Variants in ADCY8 observed in about 807,000 individuals in gnomAD.
ADCY8 encodes the protein adenylate cyclase 8.
A neutral mutation model predicts 119.7 loss-of-function variants in ADCY8; 51 were observed. The observed-to-expected ratio is 0.43, with a 90% CI of 0.34 to 0.54. ADCY8 has a LOEUF of 0.54. Among genes scored for constraint, ADCY8 ranks in the 20% least tolerant of loss-of-function variants. The pLI is 0.03. For synonymous variants in ADCY8, 665 were observed against 651.0 expected, an observed-to-expected ratio of 1.02 and a Z score of -0.33; for missense variants, 1,383 against 1,598.8, an observed-to-expected ratio of 0.87 and a Z score of 2.30.
intron 3 of ADCY8, among the ~76,000 whole-genome samples, chr8:130,947,789 A>G (rs1228977365): frequency 6.6e-6 from 1 of 152,242 alleles, no homozygotes; most frequent in Non-Finnish European, 1.5e-5. Flanking sequence ...GCAAATGTAC[A>G]TGAAATGGAA....
chr8:131,013,432 G>A (rs1049333023), intron 1 of ADCY8, among the ~76,000 whole-genome samples: 8 of 152,130 alleles, frequency 5.3e-5, no homozygotes, highest in Admixed American at 3.3e-4. Flanking sequence ...TGAAGCTCCC[G>A]GGTTGAGCCA....
At chr8:130,930,930 C>T (rs1820612641) in intron 5 of ADCY8, among the ~76,000 whole-genome samples, 1 of 152,060 alleles carries the variant, frequency 6.6e-6, no homozygotes, top group Admixed American at 6.6e-5. Flanking sequence ...CCTTCTAAAA[C>T]CCACAGGACT....
At chr8:130,986,882 C>G (rs1822417470) in intron 2 of ADCY8, among the ~76,000 whole-genome samples, 1 of 152,166 alleles carries the variant, frequency 6.6e-6, no homozygotes. Context: ...TTAAGAGGTT[C>G]ACAATTTGCT....
chr8:130,936,363 G>A (rs939653029), intron 5 of ADCY8, among the ~76,000 whole-genome samples: 1 of 152,052 alleles, frequency 6.6e-6, no homozygotes, highest in Non-Finnish European at 1.5e-5. Flanking sequence ...AGCCAACCCT[G>A]GTGGCAGCCT....
intron 7 of ADCY8, 72 bp from the exon 8 acceptor site, chr8:130,884,833 T>G (rs1296679638): frequency 1.4e-6 from 2 of 1,445,986 alleles, no homozygotes; most frequent in Non-Finnish European, 1.9e-6. Context: ...TGCAATGTTT[T>G]TAAATCATGT....
At chr8:130,974,304 T>C (rs1188199590) in intron 2 of ADCY8, among the ~76,000 whole-genome samples, 1 of 152,162 alleles carries the variant, frequency 6.6e-6, no homozygotes, top group Non-Finnish European at 1.5e-5. Flanking sequence ...TACAAGCTAA[T>C]GGCTCTAGCT....
chr8:130,854,860 G>C (rs3106092), intron 9 of ADCY8, among the ~76,000 whole-genome samples: 118,949 of 119,204 alleles, frequency 1, 59,347 homozygotes, highest in Middle Eastern at 1. Context: ...CCCTCCCTCT[G>C]TAGGTCACTA....
Position 131,007,756 on chromosome 8 carries a change from A to T in ADCY8, c.961-17214T>A, listed in dbSNP as rs1301116000. Among the ~76,000 whole-genome samples the T allele has an allele frequency of 2.0e-5, 3 of 152,242 alleles. No individual in the cohort carries two copies. In the East Asian group the frequency reaches 5.8e-4, roughly 29 times the overall value. ...TGTATATGTGACTTTACAGCTATCCATTGAACTGCACACTGAGGGTACAAA... is the reference window on the plus strand; with the variant it reads ...TGTATATGTGACTTTACAGCTATCCTTTGAACTGCACACTGAGGGTACAAA... On this transcript the variant is annotated intron_variant, in intron 1 of 17. Coordinates refer to ENST00000286355, the MANE Select transcript of ADCY8 (RefSeq NM_001115.3).
intron 2 of ADCY8, among the ~76,000 whole-genome samples, chr8:130,971,437 C>A (rs755401638): frequency 2.6e-5 from 4 of 152,114 alleles, no homozygotes; most frequent in Non-Finnish European, 4.4e-5. Context: ...TTCTCATTCC[C>A]ATGTCTCTAT....
chr8:130,886,722 C>A (rs1288241590), intron 7 of ADCY8, among the ~76,000 whole-genome samples: 1 of 152,092 alleles, frequency 6.6e-6, no homozygotes, highest in East Asian at 1.9e-4. Flanking sequence ...TCTGCTACAA[C>A]ATCTGAGCAC....
chr8:130,876,719 GC>G (rs1421125474), intron 8 of ADCY8, among the ~76,000 whole-genome samples: 3 of 143,532 alleles, frequency 2.1e-5, no homozygotes, highest in Non-Finnish European at 1.5e-5. Flanking sequence ...GTGTAGGGGG[GC>G]AGGGGGGAAT....
At chr8:131,005,656 G>C (rs187075987) in intron 1 of ADCY8, among the ~76,000 whole-genome samples, 1 of 152,300 alleles carries the variant, frequency 6.6e-6, no homozygotes, top group Admixed American at 6.5e-5. Context: ...GAGGAAGACA[G>C]AAAAATCAGG....
intron 14 of ADCY8, among the ~76,000 whole-genome samples, chr8:130,812,986 C>T (rs1252299174): frequency 4.1e-5 from 6 of 145,680 alleles, no homozygotes; most frequent in South Asian, 2.2e-4. Flanking sequence ...CTCAGTCTGT[C>T]GCCCAGGCTG....
chr8:130,833,672 C>A (rs931257769), intron 12 of ADCY8, among the ~76,000 whole-genome samples: 1 of 152,128 alleles, frequency 6.6e-6, no homozygotes, highest in Non-Finnish European at 1.5e-5. Flanking sequence ...GATATTTATA[C>A]TAGTCTGTGG....
chr8:130,978,064 C>T (rs1428723234), intron 2 of ADCY8, among the ~76,000 whole-genome samples: 1 of 152,172 alleles, frequency 6.6e-6, no homozygotes, highest in African/African-American at 2.4e-5. Flanking sequence ...TTCACTCTGC[C>T]TTCACCATGC....
At chr8:130,986,721 T>C (rs753799875) in intron 2 of ADCY8, among the ~76,000 whole-genome samples, 36 of 152,320 alleles carry the variant, frequency 2.4e-4, no homozygotes, top group East Asian at 9.7e-4. Flanking sequence ...AGACATGCAA[T>C]GATTGAGATC....
chr8:130,963,571 A>G (rs1193896005), intron 2 of ADCY8, among the ~76,000 whole-genome samples: 2 of 152,224 alleles, frequency 1.3e-5, no homozygotes, highest in Admixed American at 1.3e-4. Flanking sequence ...AACAAGGCAG[A>G]CATGATCCTC....
chr8:130,942,576 C>G (rs1820987941), intron 4 of ADCY8, among the ~76,000 whole-genome samples: 1 of 152,174 alleles, frequency 6.6e-6, no homozygotes, highest in Admixed American at 6.5e-5. Flanking sequence ...AGTGAGGCAG[C>G]CTTAACAGAG....
At chr8:130,983,321 A>G (rs1822294183) in intron 2 of ADCY8, among the ~76,000 whole-genome samples, 1 of 152,186 alleles carries the variant, frequency 6.6e-6, no homozygotes, top group Non-Finnish European at 1.5e-5. Context: ...GGATATGGGA[A>G]GATAAATGTA....
Sources: allele counts gnomAD v4.1 joint callset (sites outside exome capture counted in the v4.1 genomes callset), GRCh38; gene constraint gnomAD v4.1.1; transcripts MANE v1.5; gene names NCBI Gene and HGNC (gene_info 2026-07-23, HGNC 2026-07-21).